The following STAU1 variants were observed in gnomAD, a reference collection of about 807,000 sequenced individuals.
STAU1 encodes the protein double-stranded RNA-binding protein Staufen homolog 1.
STAU1 carries 13 observed loss-of-function variants against 62.9 expected under a neutral mutation model. That is an observed-to-expected ratio of 0.21 (90% CI 0.13 to 0.33). The LOEUF (loss-of-function observed/expected upper bound fraction) is 0.33, where lower values mean the gene tolerates loss of function less well. Among genes scored for constraint, STAU1 ranks in the 10% least tolerant of loss-of-function variants. The pLI, the probability that STAU1 is intolerant of heterozygous loss-of-function variation, is 1.00. For missense variants in STAU1, 571 were observed against 712.1 expected (o/e 0.80, Z 2.25); for synonymous variants, 269 against 265.1 (o/e 1.01, Z -0.14).
chr20:49,193,979 A>C, the STAU1 span, among the ~76,000 whole-genome samples: 1 of 152,128 alleles, frequency 6.6e-6, no homozygotes, highest in Non-Finnish European at 1.5e-5. Context: ...AAAAGAAAAA[A>C]AAAAAAGTGG....
chr20:49,152,340 C>CTTTTTTTTTTTTTTTTTTTTTT, intron 4 of STAU1, among the ~76,000 whole-genome samples: 1 of 104,576 alleles, frequency 9.6e-6, no homozygotes, highest in Non-Finnish European at 1.8e-5. Flanking sequence ...CCACTAATGT[C>CTTTTTTTTTTTTTTTTTTTTTT]TTTTTTTTTT....
chr20:49,152,400 G>T (rs1311949203), intron 4 of STAU1, among the ~76,000 whole-genome samples: 3 of 141,826 alleles, frequency 2.1e-5, no homozygotes, highest in African/African-American at 8.1e-5. Context: ...CTGGAGTGCA[G>T]TGGTGCGATC....
At chr20:49,131,425 G>C (rs1267784569) in intron 6 of STAU1, among the ~76,000 whole-genome samples, 2 of 152,182 alleles carry the variant, frequency 1.3e-5, no homozygotes, top group African/African-American at 4.8e-5. Flanking sequence ...TTATTTAAGA[G>C]AATGTCCTTG....
At chr20:49,175,607 G>C (rs1278968505) in intron 1 of STAU1, among the ~76,000 whole-genome samples, 1 of 151,622 alleles carries the variant, frequency 6.6e-6, no homozygotes, top group Non-Finnish European at 1.5e-5. Flanking sequence ...AGACTCCTGA[G>C]TAGCTGGGGT....
the STAU1 span, among the ~76,000 whole-genome samples, chr20:49,193,779 G>A: frequency 6.6e-6 from 1 of 152,010 alleles, no homozygotes; most frequent in Non-Finnish European, 1.5e-5. Flanking sequence ...CCATCCTGGC[G>A]AACACAGTGA....
At position 49,181,697 on chromosome 20, in the gene STAU1, T is replaced by C. The variant is rs187384256; in HGVS notation, c.-160+6419A>G. On this transcript the variant is annotated intron_variant, in intron 1 of 13. Coordinates refer to ENST00000371856, the MANE Select transcript of STAU1 (RefSeq NM_017453.4). Reference sequence around the variant, plus strand: ...AGGAGAATTGCTTGAACCCAGGAGGTGGAGGTTGCAGTGAGCCGAGATGAT... The same window carrying C: ...AGGAGAATTGCTTGAACCCAGGAGGCGGAGGTTGCAGTGAGCCGAGATGAT... 5.8e-4 allele frequency among the ~76,000 whole-genome samples: 73 copies of C among 126,406 alleles called. 1 individual carries two copies. Among genetic ancestry groups the C allele is most frequent in the Middle Eastern group, 0.01 (2 of 196 alleles). The allele number at this position is 126,406 out of a possible 152,430, so 82.9% of individuals were successfully genotyped here.
chr20:49,151,739 TA>T lies in STAU1; in HGVS notation c.352del (p.Tyr118ThrfsTer40), dbSNP rs760342384. On this transcript the variant is annotated frameshift_variant, in exon 5 of 14. Transcript: ENST00000371856. LOFTEE classifies it high-confidence loss of function. ...AAGTAAAGGTGGAACTGGAAATGGG[TA>T]AAAGTACCTAGAAATAAAAGGAGGT... ...RGGAYPPRYF[Y>X]PFPVPPLLYQ... 6.2e-7 allele frequency: 1 copy of T among 1,608,400 alleles called. No individual in the cohort carries two copies. Among genetic ancestry groups the T allele is most frequent in the Admixed American group, 1.7e-5 (1 of 58,256 alleles).
At chr20:49,201,277 C>T in the STAU1 span, among the ~76,000 whole-genome samples, 31 of 151,692 alleles carry the variant, frequency 2.0e-4, no homozygotes, top group East Asian at 4.6e-3. Context: ...TCTGAGGATA[C>T]GAGGATGGAA....
chr20:49,135,739 A>G, intron 6 of STAU1, 94 bp downstream of exon 6: 1 of 894,022 alleles, frequency 1.1e-6, no homozygotes, highest in Non-Finnish European at 1.7e-6. Flanking sequence ...TTATGTGAAG[A>G]TTATTCCAAT....
the STAU1 span, among the ~76,000 whole-genome samples, chr20:49,209,179 C>T: frequency 2.0e-5 from 3 of 151,582 alleles, no homozygotes; most frequent in African/African-American, 4.8e-5. Flanking sequence ...AGGTGATTTG[C>T]CTGCCTCGGC....
the STAU1 span, among the ~76,000 whole-genome samples, chr20:49,209,998 G>A: frequency 3.9e-5 from 6 of 151,990 alleles, no homozygotes; most frequent in Admixed American, 6.6e-5. Context: ...GCAGTGAGCC[G>A]AGATAGTGCC....
chr20:49,169,237 ACTGCGC>A (rs1223724626), intron 2 of STAU1, among the ~76,000 whole-genome samples: 22 of 152,318 alleles, frequency 1.4e-4, no homozygotes, highest in African/African-American at 5.3e-4. Context: ...GGCATGAGCC[ACTGCGC>A]CTGGCCTGAT....
chr20:49,188,686 G>A (rs1007802183), upstream of STAU1, among the ~76,000 whole-genome samples: 20 of 152,228 alleles, frequency 1.3e-4, no homozygotes, highest in African/African-American at 4.8e-4. Context: ...CCTTGCTGTC[G>A]CTTCTTCCTC....
At chr20:49,120,686 A>C (rs1258813072) in intron 8 of STAU1, among the ~76,000 whole-genome samples, 1 of 152,228 alleles carries the variant, frequency 6.6e-6, no homozygotes, top group Non-Finnish European at 1.5e-5. Context: ...TAACTAGCAC[A>C]AAAAACTGAA....
chr20:49,158,977 CCTT>C (rs1401298983), intron 3 of STAU1: 1 of 1,301,298 alleles, frequency 7.7e-7, no homozygotes, highest in Admixed American at 2.3e-5. Flanking sequence ...TCAGGGGTCT[CCTT>C]TATTATATGT....
At chr20:49,150,178 T>C (rs540688189) in intron 5 of STAU1, among the ~76,000 whole-genome samples, 1 of 152,316 alleles carries the variant, frequency 6.6e-6, no homozygotes, top group African/African-American at 2.4e-5. Context: ...CCCTAAGAAT[T>C]ATATTGCTAT....
chr20:49,148,780 T>C (rs2093180154), intron 5 of STAU1, among the ~76,000 whole-genome samples: 2 of 152,190 alleles, frequency 1.3e-5, no homozygotes, highest in South Asian at 2.1e-4. Context: ...CCAACGCTGC[T>C]CTAGTGAGTG....
chr20:49,176,654 T>C (rs1391762533), intron 1 of STAU1, among the ~76,000 whole-genome samples: 1 of 152,172 alleles, frequency 6.6e-6, no homozygotes, highest in East Asian at 1.9e-4. Flanking sequence ...TAGTATATTA[T>C]ACTAACAACT....
chr20:49,124,532 A>G lies in STAU1; in HGVS notation c.665T>C (p.Val222Ala). Residue 222 changes from valine to alanine, a missense_variant, in exon 7 of 14, where the codon GTT becomes GCT. Physicochemically the swap from Val to Ala is moderately conservative, Grantham distance 64. Around this residue, in one of 3 missense-constraint regions of STAU1, gnomAD observed 414 missense variants for 499.6 expected, o/e 0.83. Transcript: ENST00000371856. Reference sequence around the variant, plus strand: ...TTCACCTTCCCCCACAAACTCCCCAACCGAAACCTTGGTCACAAAGTTCTT... The same window carrying G: ...TTCACCTTCCCCCACAAACTCCCCAGCCGAAACCTTGGTCACAAAGTTCTT... ...HMKNFVTKVS[V>A]GEFVGEGEGK... The G allele has an allele frequency of 1.2e-6, 2 of 1,613,830 alleles. No homozygotes were observed. Among genetic ancestry groups the G allele is most frequent in the Non-Finnish European group, 1.7e-6 (2 of 1,179,958 alleles).
Sources: gnomAD v4.1 joint callset for allele counts (sites outside exome capture counted in the v4.1 genomes callset) on GRCh38, gnomAD v4.1.1 for gene constraint, gnomAD v4.1.1 regional missense constraint, MANE v1.5 for transcripts, NCBI Gene and HGNC (gene_info 2026-07-23, HGNC 2026-07-21) for gene names.